Variants in ZNF407 observed in about 807,000 individuals in gnomAD.
ZNF407 encodes the protein zinc finger protein 407.
In ZNF407, 17 loss-of-function variants were observed where a neutral mutation model predicts 131.2. That is an observed-to-expected ratio of 0.13 (90% CI 0.09 to 0.19). The LOEUF (loss-of-function observed/expected upper bound fraction) is 0.19. Among genes scored for constraint, ZNF407 ranks in the 10% least tolerant of loss-of-function variants. The pLI is 1.00. For missense variants in ZNF407, 2,681 were observed against 2,830.6 expected, an observed-to-expected ratio of 0.95 and a Z score of 1.20; for synonymous variants, 1,156 against 1,062.0, an observed-to-expected ratio of 1.09 and a Z score of -1.72.
At chr18:75,029,613 G>T (rs1973215234) in intron 8 of ZNF407, among the ~76,000 whole-genome samples, 1 of 152,140 alleles carries the variant, frequency 6.6e-6, no homozygotes. Context: ...ATGGGTGTGT[G>T]TGCCTGGGTG....
At chr18:74,794,509 A>G (rs1020520664) in intron 4 of ZNF407, among the ~76,000 whole-genome samples, 2 of 152,058 alleles carry the variant, frequency 1.3e-5, no homozygotes, top group Non-Finnish European at 2.9e-5. Flanking sequence ...ATTCCTTGCA[A>G]ATATCATTGG....
intron 1 of ZNF407, among the ~76,000 whole-genome samples, chr18:74,599,777 C>G (rs1257010123): frequency 6.6e-6 from 1 of 152,198 alleles, no homozygotes; most frequent in East Asian, 1.9e-4. Flanking sequence ...TCTTCTCTTT[C>G]TCATCTCCTT....
chr18:75,031,764 C>T (rs1370511490), intron 8 of ZNF407, among the ~76,000 whole-genome samples: 1 of 152,118 alleles, frequency 6.6e-6, no homozygotes, highest in African/African-American at 2.4e-5. Flanking sequence ...TTCATAATAA[C>T]CAAAGTTGTA....
chr18:74,647,058 T>G (rs751873305), intron 3 of ZNF407, among the ~76,000 whole-genome samples: 4 of 152,212 alleles, frequency 2.6e-5, no homozygotes, highest in Non-Finnish European at 4.4e-5. Flanking sequence ...GTCTAAAGTC[T>G]TTTCCAGTGA....
chr18:74,785,675 T>G (rs1969689425), intron 4 of ZNF407, among the ~76,000 whole-genome samples: 2 of 152,176 alleles, frequency 1.3e-5, no homozygotes, highest in South Asian at 4.1e-4. Flanking sequence ...CACAGGAGCG[T>G]CACCTTTTTT....
At chr18:74,889,849 T>C in intron 6 of ZNF407, 69 bp from the exon 7 acceptor site, 1 of 1,414,216 alleles carries the variant, frequency 7.1e-7, no homozygotes, top group Non-Finnish European at 9.7e-7. Context: ...AAATTGTCAA[T>C]ACCAGGTTTA....
intron 8 of ZNF407, among the ~76,000 whole-genome samples, chr18:74,948,079 C>T (rs1972173554): frequency 1.3e-5 from 2 of 152,218 alleles, no homozygotes; most frequent in Admixed American, 1.3e-4. Context: ...GTAGGAGCTG[C>T]TGATCACCAT....
intron 1 of ZNF407, among the ~76,000 whole-genome samples, chr18:74,618,426 C>T (rs1983401339): frequency 6.6e-6 from 1 of 152,182 alleles, no homozygotes; most frequent in East Asian, 1.9e-4. Context: ...CCATAGGTAA[C>T]TTTCTTGGTG....
intron 4 of ZNF407, among the ~76,000 whole-genome samples, chr18:74,846,858 G>A (rs796560897): frequency 2.0e-5 from 3 of 151,830 alleles, no homozygotes; most frequent in African/African-American, 7.2e-5. Flanking sequence ...GCTGGGTGTG[G>A]TGGTGCACAC....
intron 8 of ZNF407, among the ~76,000 whole-genome samples, chr18:75,033,870 C>T (rs1416204553): frequency 6.6e-6 from 1 of 152,200 alleles, no homozygotes; most frequent in African/African-American, 2.4e-5. Flanking sequence ...GTGCCCTCTT[C>T]CCTTCTCCTT....
At chr18:74,900,002 G>C (rs760855715) in intron 7 of ZNF407, among the ~76,000 whole-genome samples, 1 of 152,202 alleles carries the variant, frequency 6.6e-6, no homozygotes, top group Non-Finnish European at 1.5e-5. Context: ...AGACGGATGC[G>C]TGCTGTCTTT....
rs184313750 is a variant in ZNF407 at position 74,761,430 on chromosome 18, T to A, written c.4803-19998T>A. 9.9e-3 allele frequency among the ~76,000 whole-genome samples: 1,507 copies of A among 152,126 alleles called. 25 individuals are homozygous for A. The highest frequency in any genetic ancestry group is 0.035 in the African/African-American group (1,446 of 41,510). On this transcript the variant is annotated intron_variant, in intron 3 of 8. Transcript: ENST00000299687. ...CCCTTTTCTATATCCCTTAGCACAA[T>A]TTTTTTTACAAAGCACATTGTCTGA...
rs202087370 is a variant in ZNF407 at position 74,920,648 on chromosome 18, A to G, written c.5384A>G (p.Gln1795Arg). ...GAGTTCCGGAACCATTTGAAGGAAC[A>G]GCATCCTGACATCGAAAACCCGGAC... is the stretch of plus-strand genomic sequence containing the variant. Reference protein sequence around the residue: ...PVEFRNHLKEQHPDIENPDLA... With the variant: ...PVEFRNHLKERHPDIENPDLA... Residue 1795 changes from glutamine (Q) to arginine (R), a missense_variant, in exon 8 of 9, where the codon CAG becomes CGG. Physicochemically the swap from Gln to Arg is conservative, Grantham distance 43 (BLOSUM62 1). This residue lies in a region of ZNF407 where 39 missense variants were observed against 91.8 expected (regional missense o/e 0.42). Coordinates refer to ENST00000299687, the MANE Select transcript of ZNF407 (RefSeq NM_017757.3). The G allele has an allele frequency of 6.8e-6, 11 of 1,610,528 alleles. No individual in the cohort carries two copies. Among genetic ancestry groups the G allele is most frequent in the Admixed American group, 1.7e-5 (1 of 59,966 alleles).
chr18:75,040,937 G>A (rs148475871), intron 8 of ZNF407, among the ~76,000 whole-genome samples: 10 of 152,300 alleles, frequency 6.6e-5, no homozygotes, highest in Admixed American at 6.5e-5. Flanking sequence ...TGTCCTGCTC[G>A]TGAAGTAGGA....
chr18:74,679,045 G>A (rs1966918690), intron 3 of ZNF407, among the ~76,000 whole-genome samples: 1 of 151,766 alleles, frequency 6.6e-6, no homozygotes, highest in Non-Finnish European at 1.5e-5. Context: ...AGTAGGAGAT[G>A]GGGAAATAAT....
intron 3 of ZNF407, among the ~76,000 whole-genome samples, chr18:74,705,168 G>A (rs1276539448): frequency 1.4e-5 from 2 of 146,098 alleles, no homozygotes; most frequent in Non-Finnish European, 3.0e-5. Flanking sequence ...TTTTAAACCA[G>A]AAAGTCCAAC....
intron 3 of ZNF407, among the ~76,000 whole-genome samples, chr18:74,667,151 C>A (rs1029155301): frequency 6.6e-6 from 1 of 152,290 alleles, no homozygotes; most frequent in East Asian, 1.9e-4. Flanking sequence ...GTCCAGCTCT[C>A]GTCACACCCT....
At chr18:75,008,566 A>G (rs530122022) in intron 8 of ZNF407, among the ~76,000 whole-genome samples, 7 of 152,356 alleles carry the variant, frequency 4.6e-5, no homozygotes, top group African/African-American at 1.7e-4. Context: ...TATGGTTGCA[A>G]AAAAGCTCTA....
intron 4 of ZNF407, among the ~76,000 whole-genome samples, chr18:74,823,618 G>C (rs113623504): frequency 3.2e-4 from 48 of 152,166 alleles, no homozygotes; most frequent in African/African-American, 1.1e-3. Flanking sequence ...ACAAAGAAGG[G>C]CATTACATAA....
Sources: gnomAD v4.1 joint callset for allele counts (sites outside exome capture counted in the v4.1 genomes callset) on GRCh38, gnomAD v4.1.1 for gene constraint, gnomAD v4.1.1 regional missense constraint, MANE v1.5 for transcripts, NCBI Gene and HGNC (gene_info 2026-07-23, HGNC 2026-07-21) for gene names.